Variants in STPG2 observed in about 807,000 individuals in gnomAD.
STPG2 encodes the protein sperm tail PG-rich repeat containing 2.
STPG2 carries 56 observed loss-of-function variants against 54.2 expected under a neutral mutation model. The ratio of observed to expected loss-of-function variants is 1.03; its 90% confidence interval spans 0.83 to 1.29. The LOEUF is 1.29. STPG2 is among the 50% of genes most tolerant of loss of function. The pLI is 0.00. For missense variants in STPG2, 596 were observed against 544.9 expected (o/e 1.09, Z -0.93); for synonymous variants, 200 against 181.8 (o/e 1.10, Z -0.81).
At chr4:98,078,606 TGTGCAAAGA>T (rs1315824563) in intron 5 of STPG2, among the ~76,000 whole-genome samples, 1 of 150,414 alleles carries the variant, frequency 6.6e-6, no homozygotes. Context: ...GAAAAGCAGG[TGTGCAAAGA>T]GTGCAAAGAT....
At chr4:97,741,371 A>G (rs941858927) in intron 9 of STPG2, among the ~76,000 whole-genome samples, 10 of 152,108 alleles carry the variant, frequency 6.6e-5, no homozygotes, top group Admixed American at 3.3e-4. Context: ...ATGGGATCTC[A>G]TTAAACTAAA....
At chr4:98,050,128 C>T (rs1356426967) in intron 5 of STPG2, among the ~76,000 whole-genome samples, 1 of 151,990 alleles carries the variant, frequency 6.6e-6, no homozygotes, top group Non-Finnish European at 1.5e-5. Flanking sequence ...CTGATTAAAA[C>T]AAAATTTATT....
intron 3 of STPG2, among the ~76,000 whole-genome samples, chr4:98,126,043 G>A (rs569730730): frequency 6.6e-6 from 1 of 152,350 alleles, no homozygotes; most frequent in Admixed American, 6.5e-5. Flanking sequence ...TGTAGCTGCA[G>A]AGATGGCAGC....
intron 5 of STPG2, among the ~76,000 whole-genome samples, chr4:97,984,758 G>A (rs988109257): frequency 7.9e-5 from 12 of 152,054 alleles, no homozygotes; most frequent in South Asian, 2.1e-4. Context: ...GGGATGCTGC[G>A]CTACTTGGGA....
At chr4:97,946,672 T>C (rs1239096925) in intron 7 of STPG2, among the ~76,000 whole-genome samples, 2 of 152,274 alleles carry the variant, frequency 1.3e-5, no homozygotes, top group African/African-American at 4.8e-5. Context: ...ATTTATGCTG[T>C]TCTATGCTTT....
chr4:97,984,044 A>T (rs1257293303), intron 5 of STPG2, among the ~76,000 whole-genome samples: 1 of 141,946 alleles, frequency 7.0e-6, no homozygotes, highest in Non-Finnish European at 1.5e-5. Flanking sequence ...ACCTCAGATT[A>T]TCAACTTTTT....
chr4:98,029,079 TAA>T (rs1424669536), intron 5 of STPG2, among the ~76,000 whole-genome samples: 3 of 152,162 alleles, frequency 2.0e-5, no homozygotes, highest in Non-Finnish European at 2.9e-5. Flanking sequence ...TTAAATATAT[TAA>T]AACTTGTTTT....
chr4:97,466,797 G>A (rs1327859186), intron 4 of STPG2, among the ~76,000 whole-genome samples: 7 of 151,850 alleles, frequency 4.6e-5, no homozygotes. Context: ...ATTAGAAAAA[G>A]AAACTAGTGA....
chr4:97,515,373 AAGAC>A (rs1325997420), intron 4 of STPG2, among the ~76,000 whole-genome samples: 2 of 152,110 alleles, frequency 1.3e-5, no homozygotes, highest in Non-Finnish European at 2.9e-5. Flanking sequence ...TTGTCACAGA[AAGAC>A]AGCCTCATTG....
At chr4:97,706,362 T>A (rs1181302250) in intron 10 of STPG2, among the ~76,000 whole-genome samples, 1 of 152,132 alleles carries the variant, frequency 6.6e-6, no homozygotes, top group Non-Finnish European at 1.5e-5. Flanking sequence ...AAGTTGGCAT[T>A]TGTAGGTCCT....
chr4:97,570,460 G>A (rs13144318), intron 10 of STPG2, among the ~76,000 whole-genome samples: 74,888 of 151,704 alleles, frequency 0.49, 19,063 homozygotes, highest in South Asian at 0.63. Context: ...CTCCTTGCCC[G>A]TCCTCAATTT....
At chr4:97,450,432 A>T (rs970180458) in intron 4 of STPG2, among the ~76,000 whole-genome samples, 1 of 152,198 alleles carries the variant, frequency 6.6e-6, no homozygotes, top group Non-Finnish European at 1.5e-5. Flanking sequence ...ATAAAATCAA[A>T]CATTGATAAG....
Position 97,678,958 on chromosome 4 carries a change from T to A in STPG2, c.1320+33741A>T, listed in dbSNP as rs550619825. Among the ~76,000 whole-genome samples, 4 of 152,292 alleles carry A rather than the reference T, an allele frequency of 2.6e-5. No individual in the cohort carries two copies. In the East Asian group the frequency reaches 7.7e-4, roughly 29 times the overall value. ...TGTCCCTACAAAGGACATGAACTCA[T>A]CATTTTGTATGGCTGCATTGTATTC... On this transcript the variant is annotated intron_variant, in intron 10 of 10. Coordinates refer to ENST00000295268, the MANE Select transcript of STPG2 (RefSeq NM_174952.3).
intron 10 of STPG2, among the ~76,000 whole-genome samples, chr4:97,566,205 T>C (rs1008916782): frequency 2.6e-5 from 4 of 152,206 alleles, no homozygotes; most frequent in Middle Eastern, 6.8e-3. Flanking sequence ...GTGCTAGCAA[T>C]CAGTGATACT....
At chr4:97,694,395 T>C (rs2148991765) in intron 10 of STPG2, among the ~76,000 whole-genome samples, 1 of 151,788 alleles carries the variant, frequency 6.6e-6, no homozygotes, top group East Asian at 1.9e-4. Flanking sequence ...CAACTTTACA[T>C]GCATAAAGAG....
At chr4:97,520,392 C>T (rs1450948244) in intron 4 of STPG2, among the ~76,000 whole-genome samples, 2 of 151,992 alleles carry the variant, frequency 1.3e-5, no homozygotes, top group African/African-American at 4.8e-5. Flanking sequence ...GACCAATCGC[C>T]AAGTCAACAG....
intron 10 of STPG2, among the ~76,000 whole-genome samples, chr4:97,693,748 C>T (rs1723458446): frequency 1.3e-5 from 2 of 152,066 alleles, no homozygotes; most frequent in Non-Finnish European, 2.9e-5. Context: ...TTCTCAAAGA[C>T]AGACCATATG....
chr4:98,009,657 GATA>G (rs1416970666), intron 5 of STPG2, among the ~76,000 whole-genome samples: 1 of 138,610 alleles, frequency 7.2e-6, no homozygotes, highest in Non-Finnish European at 1.6e-5. Context: ...GAATGATAAT[GATA>G]TATCCATTGT....
At chr4:97,979,120 CAAT>C (rs754095172) in intron 6 of STPG2, among the ~76,000 whole-genome samples, 1 of 151,952 alleles carries the variant, frequency 6.6e-6, no homozygotes, top group Non-Finnish European at 1.5e-5. Flanking sequence ...TAAATTAAAA[CAAT>C]AAGAAACTCA....
Sources: allele counts gnomAD v4.1 joint callset (sites outside exome capture counted in the v4.1 genomes callset), GRCh38; gene constraint gnomAD v4.1.1; transcripts MANE v1.5; gene names NCBI Gene and HGNC (gene_info 2026-07-23, HGNC 2026-07-21).